Variants in ZNF568 observed in about 807,000 individuals in gnomAD.
ZNF568 encodes the protein zinc finger protein 568, also known as p53 inhibitor of SCO2 activation.
In ZNF568, 11 loss-of-function variants were observed where a neutral mutation model predicts 18.1. The ratio of observed to expected loss-of-function variants is 0.61; its 90% CI spans 0.38 to 1.00. ZNF568 has a LOEUF of 1.00. Ranked by LOEUF, ZNF568 falls within the 50% of genes least tolerant of loss-of-function variation. The pLI is 0.01. For missense variants in ZNF568, 639 were observed against 768.2 expected, an observed-to-expected ratio of 0.83 and a Z score of 1.99; for synonymous variants, 213 against 246.6, an observed-to-expected ratio of 0.86 and a Z score of 1.28.
chr19:36,926,617 T>C (rs1226522206), intron 4 of ZNF568, among the ~76,000 whole-genome samples: 1 of 152,218 alleles, frequency 6.6e-6, no homozygotes, highest in Non-Finnish European at 1.5e-5. Context: ...ACCCCATAAA[T>C]GATAGGCATT....
chr19:36,961,838 A>T (rs915912839), intron 6 of ZNF568, among the ~76,000 whole-genome samples: 30 of 149,946 alleles, frequency 2.0e-4, no homozygotes, highest in African/African-American at 6.9e-4. Flanking sequence ...TATTATTCAC[A>T]TACGAAGCTT....
intron 2 of ZNF568, among the ~76,000 whole-genome samples, chr19:36,922,252 C>T (rs2073469843): frequency 6.6e-6 from 1 of 152,128 alleles, no homozygotes; most frequent in African/African-American, 2.4e-5. Flanking sequence ...AGATAGCTGG[C>T]TTCCAAGTTA....
intron 2 of ZNF568, among the ~76,000 whole-genome samples, chr19:36,989,920 T>A (rs1485122592): frequency 2.0e-5 from 3 of 152,112 alleles, no homozygotes; most frequent in Non-Finnish European, 4.4e-5. Context: ...CTGGAAACTT[T>A]CATACCTCCC....
At chr19:36,949,215 C>T (rs553344093) in intron 6 of ZNF568, among the ~76,000 whole-genome samples, 1 of 151,994 alleles carries the variant, frequency 6.6e-6, no homozygotes, top group Admixed American at 6.6e-5. Flanking sequence ...TTGTGTTCAC[C>T]CTTTCATTTT....
chr19:36,966,222 GT>G (rs2074193726), intron 6 of ZNF568, among the ~76,000 whole-genome samples: 1 of 152,094 alleles, frequency 6.6e-6, no homozygotes, highest in Non-Finnish European at 1.5e-5. Flanking sequence ...GGAGGTGGAG[GT>G]TGCGGTGAGC....
downstream of ZNF568, among the ~76,000 whole-genome samples, chr19:36,954,426 C>A (rs2074092050): frequency 6.6e-6 from 1 of 152,142 alleles, no homozygotes; most frequent in African/African-American, 2.4e-5. Flanking sequence ...GGTGACTTAA[C>A]AACAGCAGGG....
chr19:36,968,499 G>T, intron 6 of ZNF568, among the ~76,000 whole-genome samples: 1 of 148,710 alleles, frequency 6.7e-6, no homozygotes, highest in Non-Finnish European at 1.5e-5. Flanking sequence ...ACCTGAGATT[G>T]CGCCACTGCA....
At chr19:36,966,227 G>A (rs766885038) in intron 6 of ZNF568, among the ~76,000 whole-genome samples, 24 of 152,114 alleles carry the variant, frequency 1.6e-4, no homozygotes, top group Non-Finnish European at 2.1e-4. Flanking sequence ...TGGAGGTTGC[G>A]GTGAGCCGAG....
chr19:36,937,996 A>T (rs1600797122), intron 6 of ZNF568, among the ~76,000 whole-genome samples: 1 of 152,134 alleles, frequency 6.6e-6, no homozygotes, highest in South Asian at 2.1e-4. Flanking sequence ...TTTTGGAGTT[A>T]TCCTGGCTAT....
chr19:36,925,228 C>T lies in ZNF568; in HGVS notation c.105C>T (p.Ser35=), dbSNP rs975214439. 17 of 1,613,862 alleles carry T rather than the reference C, an allele frequency of 1.1e-5. No individual in the cohort carries two copies. Among genetic ancestry groups the T allele is most frequent in the East Asian group, 6.7e-5 (3 of 44,872 alleles). The change falls in exon 4 of 7, where the codon TCC becomes TCT. Residue 35 remains serine (S), a synonymous_variant. Coordinates refer to ENST00000333987, the MANE Select transcript of ZNF568 (RefSeq NM_198539.4). ...GGTGTTCTCAAGAGTCTGCCCTTTC[C>T]GAGGAAGAAGAGGATACAACCAGGC... The part of the protein sequence containing the change: ...KAWCSQESAL[S]EEEEDTTRPL...
chr19:36,937,132 T>C lies in ZNF568; in HGVS notation c.263-15T>C. On this transcript the variant is annotated splice_polypyrimidine_tract_variant and intron_variant, in intron 5 of 6. Coordinates refer to ENST00000333987, the MANE Select transcript of ZNF568 (RefSeq NM_198539.4). ...CAGCATTGACATCCACATCCTTTGC[T>C]ATTTCTTGTAATAGGCTGTCAAGTC... 1 of 1,612,124 alleles carries C rather than the reference T, an allele frequency of 6.2e-7. No individual in the cohort carries two copies. Among genetic ancestry groups the C allele is most frequent in the African/African-American group, 1.3e-5 (1 of 75,016 alleles).
exon 5 of ZNF568, chr19:36,996,541 T>G (rs2074473791): frequency 1.3e-6 from 2 of 1,536,006 alleles, no homozygotes; most frequent in Non-Finnish European, 1.7e-6. Context: ...TGGAGAGAAA[T>G]CCTGTGAATG....
At chr19:36,958,712 G>A (rs545944919) in intron 6 of ZNF568, among the ~76,000 whole-genome samples, 2 of 136,744 alleles carry the variant, frequency 1.5e-5, no homozygotes, top group East Asian at 2.3e-4. Flanking sequence ...TCCACCTCCC[G>A]GGTTCAAGCA....
chr19:36,936,369 C>T (rs2073790045), intron 4 of ZNF568, among the ~76,000 whole-genome samples: 1 of 152,092 alleles, frequency 6.6e-6, no homozygotes, highest in South Asian at 2.1e-4. Context: ...ATTATATTAA[C>T]CTTATTTACC....
intron 3 of ZNF568, among the ~76,000 whole-genome samples, chr19:36,924,375 C>G (rs866438134): frequency 3.3e-5 from 5 of 151,630 alleles, no homozygotes; most frequent in Non-Finnish European, 7.4e-5. Context: ...CACGCCACTA[C>G]GCCCAGCGAA....
chr19:36,935,520 A>G (rs1423956163), intron 4 of ZNF568, among the ~76,000 whole-genome samples: 1 of 150,620 alleles, frequency 6.6e-6, no homozygotes, highest in Non-Finnish European at 1.5e-5. Flanking sequence ...AGATCGTGCC[A>G]CTGTACTCCA....
chr19:36,936,985 A>G (rs1267164475), intron 5 of ZNF568, 113 bp downstream of exon 5: 5 of 1,404,666 alleles, frequency 3.6e-6, no homozygotes, highest in South Asian at 2.6e-5. Context: ...CCATGTGACT[A>G]TATGTGCTCC....
intron 6 of ZNF568, among the ~76,000 whole-genome samples, chr19:36,966,325 G>C (rs1345017417): frequency 6.6e-6 from 1 of 152,014 alleles, no homozygotes; most frequent in Non-Finnish European, 1.5e-5. Context: ...TTCCCAGGCT[G>C]GTCTCCAACT....
chr19:36,969,444 A>G (rs2074219630), intron 6 of ZNF568, among the ~76,000 whole-genome samples: 1 of 152,148 alleles, frequency 6.6e-6, no homozygotes, highest in Admixed American at 6.6e-5. Context: ...TAGTTTTTTG[A>G]TGAATGACAG....
Sources: allele counts gnomAD v4.1 joint callset (sites outside exome capture counted in the v4.1 genomes callset), GRCh38; gene constraint gnomAD v4.1.1; transcripts MANE v1.5; gene names NCBI Gene and HGNC (gene_info 2026-07-23, HGNC 2026-07-21).